RNF150: variants seen among roughly 807,000 people sequenced by gnomAD.
The protein encoded by RNF150 is ring finger protein 150.
Under a neutral mutation model 39.3 loss-of-function variants are expected in RNF150, and 24 were observed. The observed-to-expected ratio is 0.61, with a 90% CI of 0.44 to 0.86. The LOEUF (loss-of-function observed/expected upper bound fraction) is 0.86. Among genes scored for constraint, RNF150 ranks in the 40% least tolerant of loss-of-function variants. RNF150 has a pLI of 0.00. For synonymous variants in RNF150, 255 were observed against 227.3 expected (o/e 1.12, Z -1.10); for missense variants, 502 against 587.8 (o/e 0.85, Z 1.51).
chr4:140,868,198 T>A lies in RNF150; in HGVS notation c.*63A>T. 2.1e-6 allele frequency: 2 copies of A among 956,918 alleles called. No homozygotes were observed. Among genetic ancestry groups the A allele is most frequent in the Non-Finnish European group, 3.4e-6 (2 of 584,610 alleles). The allele number at this position is 956,918 out of a possible 1,614,324, so 59.3% of individuals were successfully genotyped here. On this transcript the variant is annotated 3_prime_UTR_variant, in exon 7 of 7. Transcript: ENST00000515673. ...GTGTGTGTGTGCCTGGTCCAAGTCT[T>A]GGAGCACTCTTCCCTTCCTTTCCCT...
rs960927367 is a variant in RNF150, at chr4:140,908,872, A to C, written c.1198+2272T>G. The stretch of plus-strand genomic sequence containing the variant: ...GAAGTATGTACCCACTCTTCAAAAT[A>C]AGGAATCTGACAGATGACGTATCTT... On this transcript the variant is annotated intron_variant, in intron 6 of 6. Transcript: ENST00000515673. 5.9e-5 allele frequency among the ~76,000 whole-genome samples: 9 copies of C among 152,306 alleles called. 1 individual carries two copies. The South Asian group carries it at 1.9e-3, about 32-fold the overall frequency.
At chr4:141,211,476 G>T (rs1728464249) in intron 1 of RNF150, among the ~76,000 whole-genome samples, 1 of 152,086 alleles carries the variant, frequency 6.6e-6, no homozygotes, top group Non-Finnish European at 1.5e-5. Flanking sequence ...TACATTCCCA[G>T]TTAGAAAATG....
intron 1 of RNF150, among the ~76,000 whole-genome samples, chr4:140,979,418 C>T (rs1055438755): frequency 6.6e-6 from 1 of 152,008 alleles, no homozygotes; most frequent in Non-Finnish European, 1.5e-5. Context: ...CTTGAAGCTT[C>T]AGGTTCATTA....
chr4:141,009,455 T>C (rs1734992995), intron 1 of RNF150, among the ~76,000 whole-genome samples: 2 of 152,150 alleles, frequency 1.3e-5, no homozygotes, highest in Admixed American at 6.5e-5. Flanking sequence ...AAATGATTAG[T>C]GTGTGTTGTC....
intron 2 of RNF150, among the ~76,000 whole-genome samples, chr4:140,966,601 T>C (rs980840709): frequency 2.1e-4 from 32 of 152,176 alleles, no homozygotes; most frequent in African/African-American, 7.7e-4. Flanking sequence ...CTTGAAAAGA[T>C]GTTCAATGTT....
intron 1 of RNF150, among the ~76,000 whole-genome samples, chr4:141,204,729 T>A (rs1395992025): frequency 6.6e-6 from 1 of 152,210 alleles, no homozygotes; most frequent in African/African-American, 2.4e-5. Context: ...GCTATACATT[T>A]TGATACAAAT....
At chr4:141,049,752 A>C (rs938392111) in intron 1 of RNF150, among the ~76,000 whole-genome samples, 1 of 151,704 alleles carries the variant, frequency 6.6e-6, no homozygotes, top group African/African-American at 2.4e-5. Flanking sequence ...TCATCTATGG[A>C]TATAATTTTT....
chr4:141,204,125 T>C (rs746060079), intron 1 of RNF150, among the ~76,000 whole-genome samples: 5 of 152,156 alleles, frequency 3.3e-5, no homozygotes, highest in Non-Finnish European at 5.9e-5. Context: ...ATAGAGTCCA[T>C]TTGAAATAGA....
chr4:141,080,018 A>C (rs112031216), intron 1 of RNF150, among the ~76,000 whole-genome samples: 1,559 of 152,132 alleles, frequency 0.01, 25 homozygotes, highest in African/African-American at 0.036. Flanking sequence ...GACAGGCACT[A>C]TTCTCCAAGA....
chr4:141,036,476 G>A (rs1323318941), intron 1 of RNF150, among the ~76,000 whole-genome samples: 1 of 152,090 alleles, frequency 6.6e-6, no homozygotes, highest in East Asian at 1.9e-4. Flanking sequence ...TTGTGCAGTA[G>A]ATCTCGAACT....
rs1158534011 is a variant in RNF150, at chr4:141,078,805, AAAAATAT to A, written c.484+53513_484+53519del. Among the ~76,000 whole-genome samples the A allele has an allele frequency of 7.4e-5, 6 of 81,632 alleles. No individual in the cohort carries two copies. In the East Asian group the frequency reaches 1.3e-3, roughly 18 times the overall value. The allele number at this position is 81,632 out of a possible 152,430, so 53.6% of individuals were successfully genotyped here. A position where few individuals can be genotyped will look rare whatever the true frequency, so the allele number is the denominator to read the frequency against. On this transcript the variant is annotated intron_variant, in intron 1 of 6. Coordinates refer to ENST00000515673, the MANE Select transcript of RNF150 (RefSeq NM_020724.2). ...ACTCCGTCTCAAAAAAAAAAAAAAA[AAAAATAT>A]ATATATATATATATATATATACACA...
chr4:140,967,930 T>A, intron 1 of RNF150, 57 bp from the exon 2 acceptor site: 1 of 1,502,152 alleles, frequency 6.7e-7, no homozygotes, highest in Non-Finnish European at 9.2e-7. Flanking sequence ...ATATGGGGGA[T>A]CCCAGTGAGA....
Position 141,132,698 on chromosome 4 carries a change from C to T in RNF150, c.111G>A (p.Glu37=). The change falls in exon 1 of 7, where the codon GAG becomes GAA. Residue 37 remains glutamate (E), a synonymous_variant. Coordinates refer to ENST00000515673, the MANE Select transcript of RNF150 (RefSeq NM_020724.2). The surrounding 1 kb of genome is among the most constrained non-coding windows in gnomAD (Gnocchi z 4.9). ...TGTTCACGAAGGCGGTGTACCATTCCTCCTTCTCGGCCACGGTAAAGTCCA... is the reference window on the plus strand; with the variant it reads ...TGTTCACGAAGGCGGTGTACCATTCTTCCTTCTCGGCCACGGTAAAGTCCA... The part of the protein sequence containing the change: ...LCLDFTVAEK[E]EWYTAFVNIT... 1 of 1,609,734 alleles carries T rather than the reference C, an allele frequency of 6.2e-7. No homozygotes were observed. Among genetic ancestry groups the T allele is most frequent in the Non-Finnish European group, 8.5e-7 (1 of 1,178,380 alleles).
intron 6 of RNF150, among the ~76,000 whole-genome samples, chr4:140,899,946 C>CTCTCTCTCTT (rs1730117997): frequency 1.3e-5 from 1 of 78,474 alleles, no homozygotes; most frequent in African/African-American, 4.8e-5. Flanking sequence ...CTCTCACTTT[C>CTCTCTCTCTT]TCTCTCTCTC....
chr4:141,071,087 A>G (rs1737680391), intron 1 of RNF150, among the ~76,000 whole-genome samples: 2 of 134,956 alleles, frequency 1.5e-5, no homozygotes, highest in Admixed American at 7.7e-5. Context: ...TTGTAGGGAC[A>G]TGGATGAAAT....
rs190265048 is a variant in RNF150, at chr4:140,975,198, G to A, written c.485-7325C>T. Among the ~76,000 whole-genome samples, 19 of 152,272 alleles carry A rather than the reference G, an allele frequency of 1.2e-4. No homozygotes were observed. The South Asian group carries it at 1.5e-3, about 12-fold the overall frequency. On this transcript the variant is annotated intron_variant, in intron 1 of 6. Coordinates refer to ENST00000515673, the MANE Select transcript of RNF150 (RefSeq NM_020724.2). ...TTGAGCCTGGTAGGTCGAGGAGCCC[G>A]CAATGAGCCATGATTGTGCCACTGT...
chr4:140,907,868 C>T (rs2111264911), intron 6 of RNF150, among the ~76,000 whole-genome samples: 1 of 152,270 alleles, frequency 6.6e-6, no homozygotes, highest in East Asian at 1.9e-4. Flanking sequence ...ATAATATTTA[C>T]CTCATAGGGT....
At chr4:140,930,487 A>G (rs534389566) in intron 4 of RNF150, among the ~76,000 whole-genome samples, 24 of 152,340 alleles carry the variant, frequency 1.6e-4, no homozygotes, top group African/African-American at 5.5e-4. Context: ...GACCTAGAAC[A>G]GTTCCCGACA....
chr4:140,928,658 T>C (rs566691616), intron 4 of RNF150, among the ~76,000 whole-genome samples: 318 of 152,318 alleles, frequency 2.1e-3, no homozygotes, highest in South Asian at 4.6e-3. Context: ...GCCATTCCCC[T>C]GCCTCAGCCT....
Sources: allele counts gnomAD v4.1 joint callset (sites outside exome capture counted in the v4.1 genomes callset), GRCh38; gene constraint gnomAD v4.1.1; non-coding constraint Gnocchi (gnomAD v3.1); transcripts MANE v1.5; gene names NCBI Gene and HGNC (gene_info 2026-07-23, HGNC 2026-07-21).